Variants in CHPT1 observed in about 807,000 individuals in gnomAD.
CHPT1 encodes the protein cholinephosphotransferase 1.
CHPT1 carries 36 observed loss-of-function variants against 47.6 expected under a neutral mutation model. The observed-to-expected ratio is 0.76, with a 90% CI of 0.58 to 1.00. The LOEUF (loss-of-function observed/expected upper bound fraction) is 1.00. Ranked by LOEUF, CHPT1 falls within the 50% of genes least tolerant of loss-of-function variation. CHPT1 has a pLI of 0.00. For missense variants in CHPT1, 458 were observed against 498.1 expected, an observed-to-expected ratio of 0.92 and a Z score of 0.77; for synonymous variants, 194 against 186.3, an observed-to-expected ratio of 1.04 and a Z score of -0.33.
intron 1 of CHPT1, among the ~76,000 whole-genome samples, chr12:101,703,184 T>C (rs1297005793): frequency 6.6e-6 from 1 of 152,186 alleles, no homozygotes; most frequent in African/African-American, 2.4e-5. Flanking sequence ...TTTTGCGAAG[T>C]TGAAGAACAG....
At chr12:101,717,136 T>A in intron 4 of CHPT1, 4 of 365,272 alleles carry the variant, frequency 1.1e-5, no homozygotes, top group East Asian at 1.5e-4. Flanking sequence ...TGAAATAAAA[T>A]AAATATTTTA....
chr12:101,712,899 C>T (rs1951715690), intron 1 of CHPT1, among the ~76,000 whole-genome samples: 1 of 148,502 alleles, frequency 6.7e-6, no homozygotes, highest in Non-Finnish European at 1.5e-5. Context: ...ATGGATTTTA[C>T]TTCTAGTTGT....
At chr12:101,714,445 G>A in intron 2 of CHPT1, 59 bp from the exon 3 acceptor site, 4 of 1,416,864 alleles carry the variant, frequency 2.8e-6, no homozygotes, top group Non-Finnish European at 3.8e-6. Flanking sequence ...ACAGCATAGG[G>A]CAATTATTTC....
intron 1 of CHPT1, among the ~76,000 whole-genome samples, chr12:101,713,467 A>G (rs954227747): frequency 2.0e-5 from 3 of 152,080 alleles, no homozygotes; most frequent in Non-Finnish European, 4.4e-5. Flanking sequence ...TAAACACAGC[A>G]TGATTGCTGG....
chr12:101,698,234 C>T, intron 1 of CHPT1, 100 bp downstream of exon 1: 1 of 1,339,828 alleles, frequency 7.5e-7, no homozygotes. Context: ...CTGAGCCTCT[C>T]CCGGGCCCCG....
chr12:101,708,658 A>ACCTCTCTCT, intron 1 of CHPT1, among the ~76,000 whole-genome samples: 5 of 123,770 alleles, frequency 4.0e-5, no homozygotes, highest in Middle Eastern at 5.1e-3. Flanking sequence ...CCCCAGCTGG[A>ACCTCTCTCT]GTGCAGTGGC....
intron 1 of CHPT1, 127 bp from the exon 2 acceptor site, chr12:101,713,963 T>C (rs535998892): frequency 2.7e-4 from 151 of 557,940 alleles, no homozygotes; most frequent in Non-Finnish European, 3.3e-4. Flanking sequence ...TTCGCATCTG[T>C]AGAATGAGGG....
At chr12:101,702,576 A>G (rs1231964930) in intron 1 of CHPT1, among the ~76,000 whole-genome samples, 1 of 152,202 alleles carries the variant, frequency 6.6e-6, no homozygotes, top group African/African-American at 2.4e-5. Context: ...TTTGTATTAC[A>G]TATTATAGAG....
intron 3 of CHPT1, among the ~76,000 whole-genome samples, chr12:101,716,356 T>C (rs757451095): frequency 6.6e-6 from 1 of 152,204 alleles, no homozygotes; most frequent in East Asian, 1.9e-4. Context: ...CATATGGTTG[T>C]TTTTATTATA....
chr12:101,710,750 A>G (rs1304686703), intron 1 of CHPT1, among the ~76,000 whole-genome samples: 1 of 148,902 alleles, frequency 6.7e-6, no homozygotes, highest in Non-Finnish European at 1.5e-5. Flanking sequence ...TTCTCAGATC[A>G]GAGGTCAGAA....
At chr12:101,703,793 A>G (rs1292671835) in intron 1 of CHPT1, among the ~76,000 whole-genome samples, 6 of 152,162 alleles carry the variant, frequency 3.9e-5, no homozygotes, top group Admixed American at 2.0e-4. Flanking sequence ...GAATGGAGCA[A>G]TCAGTCATTT....
At chr12:101,709,794 C>T (rs1420826809) in intron 1 of CHPT1, among the ~76,000 whole-genome samples, 1 of 148,572 alleles carries the variant, frequency 6.7e-6, no homozygotes, top group Non-Finnish European at 1.5e-5. Context: ...TGCTTATCAG[C>T]AGGTTTGATG....
chr12:101,703,714 C>T (rs1208375938), intron 1 of CHPT1, among the ~76,000 whole-genome samples: 1 of 152,184 alleles, frequency 6.6e-6, no homozygotes, highest in Admixed American at 6.5e-5. Context: ...GCACCCTCCC[C>T]ATCACAGGCT....
intron 1 of CHPT1, among the ~76,000 whole-genome samples, chr12:101,713,840 G>A (rs1951727729): frequency 6.6e-6 from 1 of 152,112 alleles, no homozygotes; most frequent in South Asian, 2.1e-4. Context: ...TAAGAATCAA[G>A]ATCAGGATCC....
At chr12:101,727,877 G>A (rs1952001175) in intron 8 of CHPT1, 1 of 152,106 alleles carries the variant, frequency 6.6e-6, no homozygotes, top group African/African-American at 2.4e-5. Context: ...GTAGGCACCT[G>A]TTTTTTTAAA....
At chr12:101,708,263 AT>A (rs1951658985) in intron 1 of CHPT1, among the ~76,000 whole-genome samples, 1 of 152,340 alleles carries the variant, frequency 6.6e-6, no homozygotes, top group Admixed American at 6.5e-5. Context: ...AAAAGCTAAA[AT>A]TTCCCAAATA....
In CHPT1 at chr12:101,718,606, G is replaced by A. The variant is rs74687503; in HGVS notation, c.649-1517G>A. 0.022 allele frequency among the ~76,000 whole-genome samples: 3,281 copies of A among 149,224 alleles called. 327 individuals are homozygous for A. In the East Asian group the frequency reaches 0.31, roughly 14 times the overall value. Reference sequence around the variant, plus strand: ...ACCCAGGAGTTCAAGGCTGCAATGAGCCATTATCATGCCACTGACTACACT... The same window carrying A: ...ACCCAGGAGTTCAAGGCTGCAATGAACCATTATCATGCCACTGACTACACT... On this transcript the variant is annotated intron_variant, in intron 4 of 8. Coordinates refer to ENST00000229266, the MANE Select transcript of CHPT1 (RefSeq NM_020244.3).
intron 4 of CHPT1, among the ~76,000 whole-genome samples, chr12:101,718,375 T>A (rs1439874594): frequency 2.0e-5 from 3 of 152,202 alleles, no homozygotes; most frequent in Non-Finnish European, 4.4e-5. Context: ...TATATACTTT[T>A]CCACTCAAAT....
Position 101,702,608 on chromosome 12 carries a change from A to C in CHPT1, c.273+4474A>C, listed in dbSNP as rs1951569923. Among the ~76,000 whole-genome samples the C allele has an allele frequency of 2.0e-5, 3 of 152,226 alleles. No homozygotes were observed. In the South Asian group the frequency reaches 6.2e-4, roughly 32 times the overall value. ...AGAGTTATTTTGGGGGGAATAATAGAAAGAAAAGGAAATAACCTTTAGATT... is the reference window on the plus strand; with the variant it reads ...AGAGTTATTTTGGGGGGAATAATAGCAAGAAAAGGAAATAACCTTTAGATT... On this transcript the variant is annotated intron_variant, in intron 1 of 8. Transcript: ENST00000229266.
Sources: gnomAD v4.1 joint callset for allele counts (sites outside exome capture counted in the v4.1 genomes callset) on GRCh38, gnomAD v4.1.1 for gene constraint, MANE v1.5 for transcripts, NCBI Gene and HGNC (gene_info 2026-07-23, HGNC 2026-07-21) for gene names.